Variants in ADAMTSL3 observed in about 807,000 individuals in gnomAD.
The protein encoded by ADAMTSL3 is ADAMTS like 3.
Under a neutral mutation model 201.7 loss-of-function variants are expected in ADAMTSL3, and 128 were observed. The ratio of observed to expected loss-of-function variants is 0.63; its 90% CI spans 0.55 to 0.73. ADAMTSL3 has a LOEUF of 0.73. ADAMTSL3 is among the 30% of genes least tolerant of loss of function. The pLI is 0.00. For synonymous variants in ADAMTSL3, 738 were observed against 748.4 expected (o/e 0.99, Z 0.23); for missense variants, 1,990 against 2,119.6 (o/e 0.94, Z 1.20).
chr15:83,878,295 C>T (rs1490497649), intron 9 of ADAMTSL3, among the ~76,000 whole-genome samples: 5 of 152,106 alleles, frequency 3.3e-5, no homozygotes, highest in Admixed American at 3.3e-4. Flanking sequence ...GATAAACCTA[C>T]TTAGTCATTA....
intron 25 of ADAMTSL3, among the ~76,000 whole-genome samples, chr15:84,019,504 A>G (rs1343543991): frequency 6.6e-6 from 1 of 152,222 alleles, no homozygotes; most frequent in Non-Finnish European, 1.5e-5. Context: ...GTAGATTTAT[A>G]CAATGGGAAC....
At chr15:83,834,450 T>C (rs7176613) in intron 6 of ADAMTSL3, among the ~76,000 whole-genome samples, 49,019 of 152,008 alleles carry the variant, frequency 0.32, 8,672 homozygotes, top group East Asian at 0.59. Context: ...CCAAGTTAGA[T>C]TCTGATTTGC....
chr15:83,710,886 A>G (rs1485435885), intron 3 of ADAMTSL3, among the ~76,000 whole-genome samples: 1 of 152,210 alleles, frequency 6.6e-6, no homozygotes, highest in Non-Finnish European at 1.5e-5. Context: ...GTCTTGTCCA[A>G]GATCACACAG....
At chr15:83,905,803 C>T (rs1414197694) in intron 15 of ADAMTSL3, among the ~76,000 whole-genome samples, 1 of 152,094 alleles carries the variant, frequency 6.6e-6, no homozygotes, top group African/African-American at 2.4e-5. Context: ...GTCAAATTTC[C>T]TTTTAGAGAG....
At chr15:83,845,019 A>G (rs1370265219) in intron 7 of ADAMTSL3, among the ~76,000 whole-genome samples, 7 of 152,186 alleles carry the variant, frequency 4.6e-5, no homozygotes, top group Non-Finnish European at 1.0e-4. Context: ...GAGATTCCAG[A>G]ATGTCAGGTG....
chr15:83,789,958 G>A (rs1203254798), intron 4 of ADAMTSL3, among the ~76,000 whole-genome samples: 1 of 152,022 alleles, frequency 6.6e-6, no homozygotes, highest in African/African-American at 2.4e-5. Context: ...AGCTAATTGA[G>A]TTGCTTCTAG....
chr15:83,899,255 C>T (rs1301377071), intron 14 of ADAMTSL3, among the ~76,000 whole-genome samples: 1 of 152,082 alleles, frequency 6.6e-6, no homozygotes, highest in African/African-American at 2.4e-5. Context: ...TATTATTTGC[C>T]TTTCTCTATT....
intron 2 of ADAMTSL3, among the ~76,000 whole-genome samples, chr15:83,665,272 G>C (rs755412225): frequency 6.6e-6 from 1 of 152,150 alleles, no homozygotes; most frequent in Non-Finnish European, 1.5e-5. Flanking sequence ...TTAGGGACAC[G>C]TGAGGGTGGA....
chr15:83,811,399 G>A (rs1158873993), intron 5 of ADAMTSL3, among the ~76,000 whole-genome samples: 1 of 152,156 alleles, frequency 6.6e-6, no homozygotes, highest in Admixed American at 6.5e-5. Flanking sequence ...GTTACATTTT[G>A]GGATCTCATT....
chr15:83,911,306 G>C (rs558740415), intron 15 of ADAMTSL3, among the ~76,000 whole-genome samples: 70 of 152,182 alleles, frequency 4.6e-4, no homozygotes, highest in Non-Finnish European at 8.7e-4. Context: ...TAGTATATAG[G>C]TATATATAGA....
At chr15:83,789,093 G>C (rs2063306664) in intron 4 of ADAMTSL3, among the ~76,000 whole-genome samples, 1 of 152,164 alleles carries the variant, frequency 6.6e-6, no homozygotes, top group African/African-American at 2.4e-5. Flanking sequence ...TTACAGGCAT[G>C]AGCCACCACA....
In ADAMTSL3 at chr15:84,036,873, T is replaced by C; in HGVS notation, c.4855T>C (p.Ser1619Pro). ...AGCAGCCTGTGGCAGGGGTTTCCAGTCTCGGAAAGTCGACTGTATCCACAC... is the reference window on the plus strand; with the variant it reads ...AGCAGCCTGTGGCAGGGGTTTCCAGCCTCGGAAAGTCGACTGTATCCACAC... ...CTAACGRGFQ[S>P]RKVDCIHTRS... is the part of the protein sequence containing the mutation. Residue 1619 changes from serine to proline, a missense_variant, in exon 29 of 30, where the codon TCT (serine) becomes CCT (proline). Physicochemically the swap from Ser to Pro is moderately conservative, Grantham distance 74 (BLOSUM62 -1). Coordinates refer to ENST00000286744, the MANE Select transcript of ADAMTSL3 (RefSeq NM_207517.3). The C allele has an allele frequency of 6.2e-7, 1 of 1,614,102 alleles. No homozygotes were observed. The highest frequency in any genetic ancestry group is 8.5e-7 in the Non-Finnish European group (1 of 1,180,008).
chr15:83,772,586 T>C (rs1167606656), intron 3 of ADAMTSL3, among the ~76,000 whole-genome samples: 5 of 152,344 alleles, frequency 3.3e-5, no homozygotes, highest in Middle Eastern at 6.8e-3. Context: ...CATATGACTT[T>C]GTTTTCTAGG....
intron 2 of ADAMTSL3, 148 bp from the exon 3 acceptor site, chr15:83,704,241 C>T (rs2061816919): frequency 8.2e-7 from 1 of 1,218,838 alleles, no homozygotes; most frequent in African/African-American, 1.5e-5. Context: ...GTGCCTCACC[C>T]TGGTCTTTGC....
chr15:83,938,091 T>A (rs994932211), intron 17 of ADAMTSL3, among the ~76,000 whole-genome samples: 1 of 147,592 alleles, frequency 6.8e-6, no homozygotes, highest in African/African-American at 2.7e-5. Context: ...AAATCAATAA[T>A]AGTTTCTGAT....
chr15:83,958,123 A>T (rs777526784), intron 19 of ADAMTSL3, among the ~76,000 whole-genome samples: 2 of 152,210 alleles, frequency 1.3e-5, no homozygotes, highest in Non-Finnish European at 2.9e-5. Context: ...GGGCAGCGAT[A>T]AAAAAGAGGA....
chr15:83,870,080 CT>C (rs955073723), intron 8 of ADAMTSL3, among the ~76,000 whole-genome samples: 2 of 152,232 alleles, frequency 1.3e-5, no homozygotes, highest in Non-Finnish European at 2.9e-5. Flanking sequence ...GATAAGCAAA[CT>C]TTTTTTCTGT....
rs533715712 is a variant in ADAMTSL3, at chr15:83,701,733, C to A, written c.70-2656C>A. On this transcript the variant is annotated intron_variant, in intron 2 of 29. Transcript: ENST00000286744. ...CTCCTGCCATGATTCTGAGGCCTCCCCAGCCATGTCGAACTGTAAGTCCAA... is the reference window on the plus strand; with the variant it reads ...CTCCTGCCATGATTCTGAGGCCTCCACAGCCATGTCGAACTGTAAGTCCAA... Among the ~76,000 whole-genome samples the A allele has an allele frequency of 1.3e-3, 192 of 152,302 alleles. 1 individual carries two copies. Among genetic ancestry groups the A allele is most frequent in the Admixed American group, 0.011 (172 of 15,300 alleles).
intron 15 of ADAMTSL3, among the ~76,000 whole-genome samples, chr15:83,909,949 C>G (rs1300263354): frequency 6.6e-6 from 1 of 152,124 alleles, no homozygotes; most frequent in South Asian, 2.1e-4. Context: ...CCCCTCAAAC[C>G]CCAGTCCCAC....
Sources: allele counts gnomAD v4.1 joint callset (sites outside exome capture counted in the v4.1 genomes callset), GRCh38; gene constraint gnomAD v4.1.1; transcripts MANE v1.5; gene names NCBI Gene and HGNC (gene_info 2026-07-23, HGNC 2026-07-21).